The following SGCD variants were observed in gnomAD, a reference collection of about 807,000 sequenced individuals.
SGCD encodes the protein delta-sarcoglycan.
A neutral mutation model predicts 36.6 loss-of-function variants in SGCD; 18 were observed. That is an observed-to-expected ratio of 0.49 (90% CI 0.34 to 0.73). SGCD has a LOEUF of 0.73. SGCD is among the 30% of genes least tolerant of loss of function. SGCD has a pLI of 0.01. For missense variants in SGCD, 387 were observed against 346.7 expected (o/e 1.12, Z -0.92); for synonymous variants, 133 against 130.6 (o/e 1.02, Z -0.12).
intron 1 of SGCD, among the ~76,000 whole-genome samples, chr5:156,074,202 T>G (rs13157744): frequency 0.017 from 2,553 of 152,314 alleles, 36 homozygotes; most frequent in Middle Eastern, 0.058. Context: ...TGATCTCAAA[T>G]GTAGCTCAAG....
intron 6 of SGCD, among the ~76,000 whole-genome samples, chr5:156,596,111 G>A (rs1760917103): frequency 6.6e-6 from 1 of 152,154 alleles, no homozygotes; most frequent in Non-Finnish European, 1.5e-5. Flanking sequence ...AAGGTTAAAT[G>A]AGACTCTGTT....
At position 156,508,698 on chromosome 5, in the gene SGCD, G is replaced by C; in HGVS notation, c.290G>C (p.Arg97Pro). 6.4e-7 allele frequency: 1 copy of C among 1,569,868 alleles called. No individual in the cohort carries two copies. Among genetic ancestry groups the C allele is most frequent in the South Asian group, 1.1e-5 (1 of 86,958 alleles). Residue 97 changes from arginine (R) to proline (P), a missense_variant, in exon 4 of 9, where the codon CGA (arginine) becomes CCA (proline). By Grantham distance (103) the Arg-to-Pro change is moderately radical (BLOSUM62 -2). Transcript: ENST00000337851. ...QPLYAKEIQSRPGNALYFKSA... is the reference protein window; with the variant it reads ...QPLYAKEIQSPPGNALYFKSA... ...CTCTACGCCAAAGAAATCCAGTCCC[G>C]ACCAGTAAGTTTCTGCTGAGAGAAG...
chr5:156,136,709 G>GA (rs1762467902), intron 3 of SGCD, among the ~76,000 whole-genome samples: 1 of 152,154 alleles, frequency 6.6e-6, no homozygotes, highest in African/African-American at 2.4e-5. Context: ...GGAACAACCA[G>GA]AAAAGATTTT....
chr5:155,786,520 T>C, the SGCD span, among the ~76,000 whole-genome samples: 1 of 152,046 alleles, frequency 6.6e-6, no homozygotes, highest in Non-Finnish European at 1.5e-5. Flanking sequence ...AAAAAAAGTT[T>C]GGGACACAGA....
intron 3 of SGCD, among the ~76,000 whole-genome samples, chr5:156,500,772 G>A (rs949435348): frequency 6.6e-6 from 1 of 152,164 alleles, no homozygotes; most frequent in African/African-American, 2.4e-5. Context: ...TGGGCATGGG[G>A]CGGATCCTGG....
chr5:156,354,179 A>G (rs1005412830), intron 3 of SGCD, among the ~76,000 whole-genome samples: 16 of 152,376 alleles, frequency 1.1e-4, no homozygotes, highest in African/African-American at 3.6e-4. Context: ...AGTTGCGGAA[A>G]GAATAAATTA....
chr5:155,836,314 T>C, the SGCD span, among the ~76,000 whole-genome samples: 3 of 152,326 alleles, frequency 2.0e-5, no homozygotes, highest in East Asian at 3.9e-4. Flanking sequence ...CACTTGGTTC[T>C]TGGCCATACT....
At chr5:156,735,260 G>T (rs1248847225) in intron 7 of SGCD, among the ~76,000 whole-genome samples, 1 of 152,168 alleles carries the variant, frequency 6.6e-6, no homozygotes, top group East Asian at 1.9e-4. Context: ...ATGAGGAATG[G>T]GGTCAGGGAC....
intron 3 of SGCD, among the ~76,000 whole-genome samples, chr5:156,437,765 G>C (rs1753305444): frequency 6.6e-6 from 1 of 152,132 alleles, no homozygotes; most frequent in Admixed American, 6.6e-5. Context: ...AAATTGAAGA[G>C]GAGATAGCTA....
intron 7 of SGCD, among the ~76,000 whole-genome samples, chr5:156,676,407 A>G (rs1753509905): frequency 6.6e-6 from 1 of 152,192 alleles, no homozygotes; most frequent in Non-Finnish European, 1.5e-5. Context: ...GTGGCCATTA[A>G]AAGCAAATCC....
At chr5:155,731,153 A>T in the SGCD span, among the ~76,000 whole-genome samples, 2 of 152,054 alleles carry the variant, frequency 1.3e-5, no homozygotes, top group African/African-American at 2.4e-5. Flanking sequence ...GCAGAAAGAG[A>T]TGGAGAGAGA....
At chr5:156,082,763 G>A (rs1447939514) in intron 1 of SGCD, among the ~76,000 whole-genome samples, 1 of 152,136 alleles carries the variant, frequency 6.6e-6, no homozygotes, top group Non-Finnish European at 1.5e-5. Flanking sequence ...CGCATAAATT[G>A]GATAAACGTC....
intron 4 of SGCD, among the ~76,000 whole-genome samples, chr5:156,521,187 T>C (rs959697902): frequency 1.3e-5 from 2 of 152,092 alleles, no homozygotes; most frequent in African/African-American, 4.8e-5. Context: ...CCTTACACCA[T>C]ATACAAAAAT....
intron 1 of SGCD, among the ~76,000 whole-genome samples, chr5:156,055,756 C>T (rs1760041905): frequency 6.8e-6 from 1 of 146,090 alleles, no homozygotes; most frequent in Non-Finnish European, 1.5e-5. Context: ...TTAAATTAGG[C>T]ATGCATCTCT....
At chr5:155,783,626 TAAAC>T in the SGCD span, among the ~76,000 whole-genome samples, 1 of 152,104 alleles carries the variant, frequency 6.6e-6, no homozygotes, top group African/African-American at 2.4e-5. Context: ...ATGATGAAAT[TAAAC>T]AACCTAGAAT....
intron 3 of SGCD, among the ~76,000 whole-genome samples, chr5:156,417,558 A>G (rs1773109315): frequency 6.6e-6 from 1 of 152,114 alleles, no homozygotes; most frequent in Non-Finnish European, 1.5e-5. Context: ...TGCAGTCTGG[A>G]AAGTCCCAAA....
chr5:156,398,216 A>G (rs1771966788), intron 3 of SGCD, among the ~76,000 whole-genome samples: 1 of 152,212 alleles, frequency 6.6e-6, no homozygotes, highest in East Asian at 1.9e-4. Flanking sequence ...AATCAGAGTA[A>G]TATTATCATC....
Position 156,338,777 on chromosome 5 carries a change from G to A in SGCD, c.4-5712G>A, listed in dbSNP as rs373368726. Among the ~76,000 whole-genome samples the A allele has an allele frequency of 7.9e-5, 12 of 152,238 alleles. No homozygotes were observed. The East Asian group carries it at 1.9e-3, about 25-fold the overall frequency. On this transcript the variant is annotated intron_variant, in intron 2 of 8. Transcript: ENST00000337851. ...CCTGATGAGGCTACTGGAGGTGGCT[G>A]CATGGTCATCACAGAGTCACTGAGG...
chr5:156,286,503 G>A (rs1046849684), intron 3 of SGCD, among the ~76,000 whole-genome samples: 1 of 152,166 alleles, frequency 6.6e-6, no homozygotes, highest in South Asian at 2.1e-4. Context: ...CATAGAAAAG[G>A]ATGAGTTCAT....
Sources: gnomAD v4.1 joint callset for allele counts (sites outside exome capture counted in the v4.1 genomes callset) on GRCh38, gnomAD v4.1.1 for gene constraint, MANE v1.5 for transcripts, NCBI Gene and HGNC (gene_info 2026-07-23, HGNC 2026-07-21) for gene names.